Variants in VPS13D observed in about 807,000 individuals in gnomAD.
VPS13D encodes intermembrane lipid transfer protein VPS13D.
In VPS13D, 187 loss-of-function variants were observed where a neutral mutation model predicts 461.9. The observed-to-expected ratio is 0.40, with a 90% confidence interval of 0.36 to 0.46. The LOEUF (loss-of-function observed/expected upper bound fraction) is 0.46. Ranked by LOEUF, VPS13D falls within the 20% of genes least tolerant of loss-of-function variation. VPS13D has a pLI of 0.60. For missense variants in VPS13D, 4,711 were observed against 5,364.9 expected (o/e 0.88, Z 3.81); for synonymous variants, 1,951 against 1,986.3 (o/e 0.98, Z 0.47).
At chr1:12,240,488 G>A (rs564104151) in intron 2 of VPS13D, among the ~76,000 whole-genome samples, 19 of 151,410 alleles carry the variant, frequency 1.3e-4, no homozygotes, top group African/African-American at 4.4e-4. Flanking sequence ...CCAGCTACTC[G>A]GGAGGCTGAG....
rs148432347 is a variant in VPS13D, at chr1:12,458,707, G to A, written c.12467-1494G>A. Reference sequence around the variant, plus strand: ...CAATTTGTCTCACTAGAGCTGAAGAGTCTAGAGAGCTTCCTCACACCCCAC... The same window carrying A: ...CAATTTGTCTCACTAGAGCTGAAGAATCTAGAGAGCTTCCTCACACCCCAC... On this transcript the variant is annotated intron_variant, in intron 66 of 69. Coordinates refer to ENST00000620676, the MANE Select transcript of VPS13D (RefSeq NM_015378.4). Among the ~76,000 whole-genome samples the A allele has an allele frequency of 1.3e-4, 20 of 152,320 alleles. No homozygotes were observed. The East Asian group carries it at 3.7e-3, about 28-fold the overall frequency.
At chr1:12,353,849 G>GA in intron 46 of VPS13D, 125 bp from the exon 47 acceptor site, 2 of 1,009,470 alleles carry the variant, frequency 2.0e-6, no homozygotes, top group Non-Finnish European at 2.8e-6. Flanking sequence ...TATTTGGATT[G>GA]AAAACTGCAA....
At chr1:12,500,558 C>CAT (rs1472881282) in intron 68 of VPS13D, among the ~76,000 whole-genome samples, 1 of 151,918 alleles carries the variant, frequency 6.6e-6, no homozygotes, top group Non-Finnish European at 1.5e-5. Flanking sequence ...ACCCACATGA[C>CAT]CTACGAAGCT....
At chr1:12,390,770 G>A (rs7526212) in intron 60 of VPS13D, among the ~76,000 whole-genome samples, 1 of 151,992 alleles carries the variant, frequency 6.6e-6, no homozygotes, top group Non-Finnish European at 1.5e-5. Context: ...TGTAGACAGG[G>A]CAGCCTTGGG....
chr1:12,231,589 A>C (rs1439883010), intron 1 of VPS13D, among the ~76,000 whole-genome samples: 1 of 152,244 alleles, frequency 6.6e-6, no homozygotes, highest in East Asian at 1.9e-4. Flanking sequence ...AATAACTACA[A>C]AAATAAAGAG....
At chr1:12,359,673 G>A (rs1158359875) in intron 50 of VPS13D, among the ~76,000 whole-genome samples, 1 of 152,076 alleles carries the variant, frequency 6.6e-6, no homozygotes, top group Non-Finnish European at 1.5e-5. Context: ...AATGTCTGAG[G>A]ATTTATTAAT....
intron 26 of VPS13D, 28 bp downstream of exon 26, chr1:12,304,756 C>G (rs916551837): frequency 6.2e-7 from 1 of 1,609,442 alleles, no homozygotes; most frequent in Middle Eastern, 1.7e-4. Flanking sequence ...CAACATAATA[C>G]TGAAGGTGGG....
At chr1:12,504,695 C>A (rs536013721) in intron 68 of VPS13D, among the ~76,000 whole-genome samples, 6 of 152,182 alleles carry the variant, frequency 3.9e-5, no homozygotes, top group Non-Finnish European at 7.4e-5. Context: ...TCTACTTTTC[C>A]GGAGGGCGTC....
In VPS13D at chr1:12,283,157, T is replaced by TAAG. The variant is rs759594220; in HGVS notation, c.5058_5060dup (p.Lys1686dup). ...TGGAGAAGAATCCAGATTCTAAATA[T>TAAG]AAGAACCTGATGGTGTCTCGAGGAG... On this transcript the variant is annotated inframe_insertion, in exon 21 of 70. Coordinates refer to ENST00000620676, the MANE Select transcript of VPS13D (RefSeq NM_015378.4). The TAAG allele has an allele frequency of 6.2e-7, 1 of 1,614,156 alleles. No homozygotes were observed. The highest frequency in any genetic ancestry group is 1.1e-5 in the South Asian group (1 of 91,080).
chr1:12,307,871 G>A (rs957458887), intron 26 of VPS13D, among the ~76,000 whole-genome samples: 12 of 152,108 alleles, frequency 7.9e-5, no homozygotes, highest in African/African-American at 2.7e-4. Context: ...TTTTTTTAAG[G>A]ATTACTCAGG....
chr1:12,246,135 TG>T (rs1470297591), intron 5 of VPS13D, among the ~76,000 whole-genome samples: 4 of 151,856 alleles, frequency 2.6e-5, no homozygotes, highest in African/African-American at 9.7e-5. Flanking sequence ...GTGGAGTGAG[TG>T]GGTACTCAAG....
intron 62 of VPS13D, among the ~76,000 whole-genome samples, chr1:12,402,969 G>A (rs1644599629): frequency 6.6e-6 from 1 of 152,202 alleles, no homozygotes; most frequent in African/African-American, 2.4e-5. Context: ...CAGTCCTGCT[G>A]CTCCTTAAAG....
intron 66 of VPS13D, 80 bp from the exon 67 acceptor site, chr1:12,460,121 T>G (rs1645389758): frequency 7.6e-7 from 1 of 1,318,346 alleles, no homozygotes; most frequent in Non-Finnish European, 1.0e-6. Flanking sequence ...AAGTTATCAT[T>G]CCATAATCAA....
chr1:12,446,627 A>T (rs1645195720), intron 65 of VPS13D, among the ~76,000 whole-genome samples: 1 of 152,158 alleles, frequency 6.6e-6, no homozygotes, highest in South Asian at 2.1e-4. Flanking sequence ...TGGTACATGA[A>T]ACAGGCCTTT....
intron 17 of VPS13D, among the ~76,000 whole-genome samples, chr1:12,271,883 A>T (rs538239572): frequency 3.1e-4 from 47 of 152,284 alleles, no homozygotes; most frequent in African/African-American, 1.1e-3. Context: ...GGGAGGGCCA[A>T]GAGACATCTT....
rs756008283 is a variant in VPS13D at position 12,383,015 on chromosome 1, G to A, written c.11230G>A (p.Val3744Ile). 1 of 1,614,150 alleles carries A rather than the reference G, an allele frequency of 6.2e-7. No individual in the cohort carries two copies. The highest frequency in any genetic ancestry group is 8.5e-7 in the Non-Finnish European group (1 of 1,180,022). ...GLSGLFDGAE[V>I]VLGPDTSMEL... The stretch of plus-strand genomic sequence containing the variant: ...TTCTGGTTTGTTTGATGGAGCTGAA[G>A]TTGTTCTTGGTCCTGACACTTCCAT... The change falls in exon 58 of 70, where the codon GTT becomes ATT. Residue 3744 changes from valine to isoleucine, a missense_variant. Physicochemically the swap from Val to Ile is conservative, Grantham distance 29. Around this residue, in one of 3 missense-constraint regions of VPS13D, gnomAD observed 4,411 missense variants for 4,937.8 expected, o/e 0.89. Coordinates refer to ENST00000620676, the MANE Select transcript of VPS13D (RefSeq NM_015378.4).
intron 63 of VPS13D, among the ~76,000 whole-genome samples, chr1:12,406,759 GTAGT>G (rs1342244180): frequency 6.6e-6 from 1 of 152,192 alleles, no homozygotes; most frequent in Non-Finnish European, 1.5e-5. Flanking sequence ...AAAATGCCAG[GTAGT>G]TTATACGTGT....
intron 38 of VPS13D, among the ~76,000 whole-genome samples, chr1:12,334,928 G>A (rs1643413354): frequency 6.6e-6 from 1 of 152,132 alleles, no homozygotes; most frequent in Admixed American, 6.5e-5. Context: ...CTGTAGCCAA[G>A]TGTTCTAATT....
chr1:12,268,270 T>TG (rs939986146), intron 15 of VPS13D, among the ~76,000 whole-genome samples: 1 of 149,984 alleles, frequency 6.7e-6, no homozygotes, highest in Non-Finnish European at 1.5e-5. Flanking sequence ...TTTTTTTTTT[T>TG]AATAATTTAA....
Sources: allele counts gnomAD v4.1 joint callset (sites outside exome capture counted in the v4.1 genomes callset), GRCh38; gene constraint gnomAD v4.1.1; regional missense constraint gnomAD v4.1.1; transcripts MANE v1.5; gene names NCBI Gene and HGNC (gene_info 2026-07-23, HGNC 2026-07-21).